CACNA1A: variants seen among roughly 807,000 people sequenced by gnomAD.
The protein encoded by CACNA1A is calcium voltage-gated channel subunit alpha1 A, also known as voltage-dependent P/Q-type calcium channel subunit alpha-1A.
Under a neutral mutation model 262.4 loss-of-function variants are expected in CACNA1A, and 57 were observed. The observed-to-expected ratio is 0.22, with a 90% CI of 0.18 to 0.27. CACNA1A has a LOEUF of 0.27. Ranked by LOEUF, CACNA1A falls within the 10% of genes least tolerant of loss-of-function variation. The probability of loss-of-function intolerance (pLI) is 1.00; values close to 1 mark genes in which losing one functional copy is unlikely to be tolerated. For missense variants in CACNA1A, 2,526 were observed against 3,562.8 expected, an observed-to-expected ratio of 0.71 and a Z score of 7.41; for synonymous variants, 1,431 against 1,419.3, an observed-to-expected ratio of 1.01 and a Z score of -0.18.
chr19:13,337,079 C>T (rs949531924), intron 6 of CACNA1A, among the ~76,000 whole-genome samples: 1 of 152,250 alleles, frequency 6.6e-6, no homozygotes, highest in Non-Finnish European at 1.5e-5. Context: ...GAGGTCATTA[C>T]TACCAGGTGT....
rs1057518510 is a variant in CACNA1A at position 13,506,266 on chromosome 19, G to T, written c.-42C>A. On this transcript the variant is annotated 5_prime_UTR_variant, in exon 1 of 47. Coordinates refer to ENST00000360228, the MANE Select transcript of CACNA1A (RefSeq NM_001127222.2). ...GGCTCCGGGTTACGCTGCGGCGAAC[G>T]ATGCGGAAGACGCCGCCGCCGCCGC... 1 of 1,394,252 alleles carries T rather than the reference G, an allele frequency of 7.2e-7. No homozygotes were observed. 86.4% of individuals were successfully genotyped at this position (1,394,252 alleles called of 1,614,324 possible). A position where few individuals can be genotyped will look rare whatever the true frequency, so the allele number is the denominator to read the frequency against.
At chr19:13,484,633 C>A (rs565644813) in intron 1 of CACNA1A, among the ~76,000 whole-genome samples, 2 of 152,318 alleles carry the variant, frequency 1.3e-5, no homozygotes, top group African/African-American at 4.8e-5. Context: ...CCAATACATT[C>A]TCCATGCAGC....
At chr19:13,263,187 A>G in intron 24 of CACNA1A, 1 of 240,570 alleles carries the variant, frequency 4.2e-6, no homozygotes, top group East Asian at 1.1e-4. Context: ...TTCTTTTTTG[A>G]GACAGGGTCT....
Position 13,207,746 on chromosome 19 carries a change from CG to C in CACNA1A, c.7087del (p.Arg2363AlafsTer245). The C allele has an allele frequency of 7.3e-7, 1 of 1,369,718 alleles. No individual in the cohort carries two copies. Among genetic ancestry groups the C allele is most frequent in the South Asian group, 1.7e-5 (1 of 57,384 alleles). The allele number at this position is 1,369,718 out of a possible 1,614,324, so 84.8% of individuals were successfully genotyped here. On this transcript the variant is annotated frameshift_variant, in exon 47 of 47. Transcript: ENST00000360228. LOFTEE classifies it low-confidence loss of function (END_TRUNC). This position sits in a 1 kb window ranked among gnomAD's most constrained non-coding sequence, Gnocchi z 5.7. ...GACCCGCCTCTCCATCCTGGGCGAG[CG>C]GCCGCTGCTGTGGCCCCCCGTGGGC... ...RPPTGGHSSG[R>X]SPRMERRVPG...
At chr19:13,209,102 G>A (rs1034066463) in intron 45 of CACNA1A, 93 bp from the exon 46 acceptor site, 6 of 1,505,108 alleles carry the variant, frequency 4.0e-6, no homozygotes, top group African/African-American at 1.4e-5. Flanking sequence ...AAGGTGTGGG[G>A]GCCCTAGAGA....
At chr19:13,287,535 C>CT (rs1418541034) in intron 19 of CACNA1A, among the ~76,000 whole-genome samples, 8 of 151,858 alleles carry the variant, frequency 5.3e-5, no homozygotes, top group Non-Finnish European at 8.8e-5. Context: ...TTCTTTCTTT[C>CT]TTTTTTCTTG....
rs755806752 is a variant in CACNA1A at position 13,214,460 on chromosome 19, G to A, written c.5839+41C>T. 1.3e-6 allele frequency: 2 copies of A among 1,572,934 alleles called. No homozygotes were observed. Among genetic ancestry groups the A allele is most frequent in the Non-Finnish European group, 8.7e-7 (1 of 1,144,998 alleles). ...CTCCCCTTTCCCTCCCCCTCCATCT[G>A]TCCTGGTGGATTGGATCCCAGGGCT... On this transcript the variant is annotated intron_variant, in intron 39 of 46. Transcript: ENST00000360228. The surrounding 1 kb of genome is among the most constrained non-coding windows in gnomAD (Gnocchi z 4.1).
At chr19:13,360,725 G>A (rs536923534) in intron 5 of CACNA1A, among the ~76,000 whole-genome samples, 33 of 152,216 alleles carry the variant, frequency 2.2e-4, no homozygotes, top group Admixed American at 7.2e-4. Flanking sequence ...TGATCCGCCC[G>A]CCTCGGCCTC....
At position 13,429,395 on chromosome 19, in the gene CACNA1A, T is replaced by C. The variant is rs1369695062; in HGVS notation, c.539+23481A>G. 2.0e-5 allele frequency among the ~76,000 whole-genome samples: 3 copies of C among 151,606 alleles called. No homozygotes were observed. The East Asian group carries it at 5.8e-4, about 29-fold the overall frequency. ...CTAAAACAAGAGGTATTTTGAGATC[T>C]TGGAGGGGGTGGGAGCGGGGGGAAG... On this transcript the variant is annotated intron_variant, in intron 3 of 46. Transcript: ENST00000360228.
At chr19:13,210,815 GA>G in intron 43 of CACNA1A, 163 bp from the exon 44 acceptor site, 1 of 785,708 alleles carries the variant, frequency 1.3e-6, no homozygotes, top group Non-Finnish European at 2.1e-6. Context: ...GGGAGGAAAA[GA>G]AAAGTTAAAG....
At chr19:13,487,448 C>G (rs980934512) in intron 1 of CACNA1A, among the ~76,000 whole-genome samples, 8 of 152,008 alleles carry the variant, frequency 5.3e-5, no homozygotes, top group Admixed American at 4.6e-4. Flanking sequence ...CAGAATAGGT[C>G]AATCTATACA....
intron 25 of CACNA1A, 63 bp downstream of exon 25, chr19:13,262,671 C>T (rs1568472993): frequency 1.0e-6 from 1 of 1,003,778 alleles, no homozygotes; most frequent in Admixed American, 1.9e-5. Flanking sequence ...GTACAACCTG[C>T]TCAGCTGTAC....
chr19:13,410,690 T>C (rs1599391133), intron 3 of CACNA1A, among the ~76,000 whole-genome samples: 1 of 152,028 alleles, frequency 6.6e-6, no homozygotes, highest in Non-Finnish European at 1.5e-5. Context: ...TGCCTTCACC[T>C]CTTCACCTAA....
At chr19:13,295,743 C>T (rs2057653326) in intron 19 of CACNA1A, among the ~76,000 whole-genome samples, 1 of 151,908 alleles carries the variant, frequency 6.6e-6, no homozygotes, top group Non-Finnish European at 1.5e-5. Flanking sequence ...GATTCTCCTT[C>T]CTCAGCCTCC....
chr19:13,437,574 C>T (rs975964234), intron 3 of CACNA1A, among the ~76,000 whole-genome samples: 2 of 151,448 alleles, frequency 1.3e-5, no homozygotes, highest in African/African-American at 4.9e-5. Context: ...TCCTGTAATC[C>T]CAGCTACTCA....
At chr19:13,300,515 G>A (rs746992483) in intron 18 of CACNA1A, 35 bp downstream of exon 18, 7 of 1,432,418 alleles carry the variant, frequency 4.9e-6, no homozygotes, top group Non-Finnish European at 6.9e-6. Flanking sequence ...ACGTTCAGGA[G>A]CCAGGGTAGC....
intron 1 of CACNA1A, among the ~76,000 whole-genome samples, chr19:13,466,976 C>T (rs917489518): frequency 6.6e-6 from 1 of 150,890 alleles, no homozygotes; most frequent in Non-Finnish European, 1.5e-5. Context: ...TCAAGCTATC[C>T]TCCTGCCTCC....
rs76377650 is a variant in CACNA1A at position 13,408,615 on chromosome 19, A to G, written c.540-36836T>C. Among the ~76,000 whole-genome samples, 385 of 152,356 alleles carry G rather than the reference A, an allele frequency of 2.5e-3. 2 individuals are homozygous for G. The highest frequency in any genetic ancestry group is 6.8e-3 in the Middle Eastern group (2 of 294). On this transcript the variant is annotated intron_variant, in intron 3 of 46. Transcript: ENST00000360228. ...TGCTAGGGCCATTCTTTGATGGAGA[A>G]CTGGTCTACCCATTGCAATCATTCT...
intron 3 of CACNA1A, among the ~76,000 whole-genome samples, chr19:13,379,295 G>A (rs911863141): frequency 6.6e-6 from 1 of 151,986 alleles, no homozygotes. Context: ...TTAAAATTAA[G>A]GTATGTACAT....
Sources: gnomAD v4.1 joint callset for allele counts (sites outside exome capture counted in the v4.1 genomes callset) on GRCh38, gnomAD v4.1.1 for gene constraint, Gnocchi (gnomAD v3.1) non-coding constraint, MANE v1.5 for transcripts, NCBI Gene and HGNC (gene_info 2026-07-23, HGNC 2026-07-21) for gene names.